The following TLN2 variants were observed in gnomAD, a reference collection of about 807,000 sequenced individuals.
TLN2 encodes talin 2.
In TLN2, 118 loss-of-function variants were observed where a neutral mutation model predicts 294.7. The observed-to-expected ratio is 0.40, with a 90% CI of 0.34 to 0.47. The LOEUF is 0.47. Among genes scored for constraint, TLN2 ranks in the 20% least tolerant of loss-of-function variants. The pLI is 0.84. For missense variants in TLN2, 3,083 were observed against 3,282.2 expected, an observed-to-expected ratio of 0.94 and a Z score of 1.48; for synonymous variants, 1,431 against 1,304.5, an observed-to-expected ratio of 1.10 and a Z score of -2.09.
chr15:62,664,932 A>G (rs147286499), intron 9 of TLN2, among the ~76,000 whole-genome samples: 1 of 149,848 alleles, frequency 6.7e-6, no homozygotes, highest in Non-Finnish European at 1.5e-5. Context: ...TGTAATCTCT[A>G]CTTTAATAAC....
At chr15:62,632,972 TAAAAC>T (rs2050051286) in intron 3 of TLN2, among the ~76,000 whole-genome samples, 5 of 152,252 alleles carry the variant, frequency 3.3e-5, no homozygotes, top group South Asian at 2.1e-4. Context: ...AAAGCCAAAA[TAAAAC>T]AAACAACAAA....
Position 62,675,250 on chromosome 15 carries a change from G to C in TLN2, c.886G>C (p.Glu296Gln). ...HKNCGEMSEI[E>Q]AKVKYVKLAR... The stretch of plus-strand genomic sequence containing the variant: ...GAACTGCGGAGAGATGAGTGAGATA[G>C]AAGCCAAGGTCAAGTACGTCAAACT... Residue 296 changes from glutamate (E) to glutamine (Q), a missense_variant, in exon 11 of 59, where the codon GAA becomes CAA. Physicochemically the swap from Glu to Gln is conservative, Grantham distance 29. Coordinates refer to ENST00000636159, the MANE Select transcript of TLN2 (RefSeq NM_015059.3). 2 of 1,614,256 alleles carry C rather than the reference G, an allele frequency of 1.2e-6. No individual in the cohort carries two copies. Among genetic ancestry groups the C allele is most frequent in the Non-Finnish European group, 1.7e-6 (2 of 1,180,052 alleles).
rs138597611 is a variant in TLN2 at position 62,604,760 on chromosome 15, C to T, written c.-161-13591C>T. Reference sequence around the variant, plus strand: ...TAGGAAGCATGGAGCTCATATTATGCGATAAGGGATTTATATTAATCTCTC... The same window carrying T: ...TAGGAAGCATGGAGCTCATATTATGTGATAAGGGATTTATATTAATCTCTC... On this transcript the variant is annotated intron_variant, in intron 2 of 58. Coordinates refer to ENST00000636159, the MANE Select transcript of TLN2 (RefSeq NM_015059.3). Among the ~76,000 whole-genome samples, 59 of 149,744 alleles carry T rather than the reference C, an allele frequency of 3.9e-4. No homozygotes were observed. In the East Asian group the frequency reaches 0.011, roughly 27 times the overall value.
At chr15:62,716,211 T>C (rs1595766390) in intron 22 of TLN2, 120 bp from the exon 23 acceptor site, 2 of 1,189,122 alleles carry the variant, frequency 1.7e-6, no homozygotes, top group East Asian at 3.1e-5. Context: ...AAGATATTGC[T>C]TGTGGCATTT....
At chr15:62,836,690 T>C (rs1173735027) in intron 57 of TLN2, among the ~76,000 whole-genome samples, 4 of 151,834 alleles carry the variant, frequency 2.6e-5, no homozygotes, top group Admixed American at 1.3e-4. Flanking sequence ...TACATTTTCC[T>C]GATTGCTTTA....
intron 23 of TLN2, 83 bp from the exon 24 acceptor site, chr15:62,717,493 C>T (rs1352992974): frequency 2.1e-6 from 2 of 958,556 alleles, no homozygotes; most frequent in Non-Finnish European, 2.9e-6. Context: ...CAAACCTGTC[C>T]TGACTCTGTG....
At chr15:62,483,977 G>A (rs1387514557) in intron 1 of TLN2, among the ~76,000 whole-genome samples, 1 of 152,166 alleles carries the variant, frequency 6.6e-6, no homozygotes, top group East Asian at 1.9e-4. Context: ...GTGGTGGGGT[G>A]GAAGTAGGGA....
chr15:62,568,668 A>G (rs1193265671), intron 1 of TLN2, among the ~76,000 whole-genome samples: 1 of 152,116 alleles, frequency 6.6e-6, no homozygotes, highest in Non-Finnish European at 1.5e-5. Flanking sequence ...CCCTTGACAG[A>G]TGGAAACACC....
chr15:62,762,216 C>G (rs1029309228), intron 38 of TLN2, 56 bp from the exon 39 acceptor site: 1 of 1,592,948 alleles, frequency 6.3e-7, no homozygotes, highest in African/African-American at 1.3e-5. Flanking sequence ...TCAGGGCCCA[C>G]GTCATTCACT....
At position 62,739,574 on chromosome 15, in the gene TLN2, G is replaced by T; in HGVS notation, c.3885+29G>T. ...GGTGTGGAGGTGGTTGTCTGGAGTTGACCTTAGCCTCTCCTCTCGGATGGA... is the reference window on the plus strand; with the variant it reads ...GGTGTGGAGGTGGTTGTCTGGAGTTTACCTTAGCCTCTCCTCTCGGATGGA... On this transcript the variant is annotated intron_variant, in intron 31 of 58. Transcript: ENST00000636159. 3 of 1,612,142 alleles carry T rather than the reference G, an allele frequency of 1.9e-6. No individual in the cohort carries two copies. The South Asian group carries it at 3.3e-5, about 18-fold the overall frequency.
intron 1 of TLN2, among the ~76,000 whole-genome samples, chr15:62,475,523 G>A (rs1191581580): frequency 6.6e-6 from 1 of 152,172 alleles, no homozygotes; most frequent in Non-Finnish European, 1.5e-5. Context: ...ATGATTTTTT[G>A]TGGTCTCCAA....
intron 1 of TLN2, among the ~76,000 whole-genome samples, chr15:62,419,646 T>G (rs894947305): frequency 2.1e-4 from 18 of 86,654 alleles, no homozygotes; most frequent in Non-Finnish European, 1.6e-4. Context: ...CTTTTTTTTT[T>G]GGGTGGGGGG....
intron 1 of TLN2, among the ~76,000 whole-genome samples, chr15:62,520,259 C>G (rs1209017524): frequency 6.6e-6 from 1 of 152,184 alleles, no homozygotes; most frequent in African/African-American, 2.4e-5. Flanking sequence ...GGAATGTATG[C>G]CATTTCTCTC....
At position 62,722,395 on chromosome 15, in the gene TLN2, A is replaced by T; in HGVS notation, c.3034A>T (p.Thr1012Ser). 1 of 1,613,326 alleles carries T rather than the reference A, an allele frequency of 6.2e-7. No homozygotes were observed. Among genetic ancestry groups the T allele is most frequent in the Non-Finnish European group, 8.5e-7 (1 of 1,179,588 alleles). The change falls in exon 26 of 59, where the codon ACC becomes TCC. Residue 1012 changes from threonine (T) to serine (S), a missense_variant. Coordinates refer to ENST00000636159, the MANE Select transcript of TLN2 (RefSeq NM_015059.3). ...GTCCTCTGCCAAAGCCGCAGTGCCCACCGTGAGTGACCAGGCCGCAGCCAT... is the reference window on the plus strand; with the variant it reads ...GTCCTCTGCCAAAGCCGCAGTGCCCTCCGTGAGTGACCAGGCCGCAGCCAT... ...MVSSAKAAVP[T>S]VSDQAAAMQL...
intron 1 of TLN2, among the ~76,000 whole-genome samples, chr15:62,544,147 C>T (rs555843528): frequency 8.5e-4 from 129 of 152,328 alleles, no homozygotes; most frequent in Middle Eastern, 6.8e-3. Context: ...TGAGCCTGCT[C>T]TTCATGTTCA....
chr15:62,763,690 G>C lies in TLN2; in HGVS notation c.5089G>C (p.Val1697Leu). Residue 1697 changes from valine (V) to leucine (L), a missense_variant, in exon 40 of 59, where the codon GTG becomes CTG. By Grantham distance (32) the Val-to-Leu change is conservative (BLOSUM62 1). Transcript: ENST00000636159. ...CCTGGCCACGAGGGACGACATCTCTGTGGAGGTAAGCTGGGAATCTGGGGG... is the reference window on the plus strand; with the variant it reads ...CCTGGCCACGAGGGACGACATCTCTCTGGAGGTAAGCTGGGAATCTGGGGG... Reference protein sequence around the residue: ...QSLATRDDISVEALQEQLTSV... With the variant: ...QSLATRDDISLEALQEQLTSV... 1 of 1,604,924 alleles carries C rather than the reference G, an allele frequency of 6.2e-7. No homozygotes were observed. The highest frequency in any genetic ancestry group is 1.7e-5 in the Admixed American group (1 of 59,244).
chr15:62,447,983 A>G (rs1566978926), intron 1 of TLN2, among the ~76,000 whole-genome samples: 1 of 152,228 alleles, frequency 6.6e-6, no homozygotes, highest in Admixed American at 6.5e-5. Flanking sequence ...TGAGTGGGCC[A>G]GGACTGAGCT....
intron 1 of TLN2, among the ~76,000 whole-genome samples, chr15:62,437,831 C>A (rs941399977): frequency 2.6e-5 from 4 of 151,856 alleles, no homozygotes; most frequent in African/African-American, 9.7e-5. Context: ...CTATATTTTC[C>A]CCTTGAAATG....
At position 62,840,903 on chromosome 15, in the gene TLN2, A is replaced by G; in HGVS notation, c.*293A>G. On this transcript the variant is annotated 3_prime_UTR_variant, in exon 59 of 59. Transcript: ENST00000636159. Reference sequence around the variant, plus strand: ...GGACTGTTACCAACAAAGAAAAGTCAGTATTATGTTGTTCTCAGACACTTT... The same window carrying G: ...GGACTGTTACCAACAAAGAAAAGTCGGTATTATGTTGTTCTCAGACACTTT... 2 of 300,898 alleles carry G rather than the reference A, an allele frequency of 6.6e-6. No individual in the cohort carries two copies. Among genetic ancestry groups the G allele is most frequent in the South Asian group, 9.4e-5 (1 of 10,648 alleles). 18.6% of individuals were successfully genotyped at this position (300,898 alleles called of 1,614,324 possible). A position where few individuals can be genotyped will look rare whatever the true frequency, so the allele number is the denominator to read the frequency against.
Sources: gnomAD v4.1 joint callset for allele counts (sites outside exome capture counted in the v4.1 genomes callset) on GRCh38, gnomAD v4.1.1 for gene constraint, MANE v1.5 for transcripts, NCBI Gene and HGNC (gene_info 2026-07-23, HGNC 2026-07-21) for gene names.